Variants in BBOF1 observed in about 807,000 individuals in gnomAD.
BBOF1 encodes basal body orientation factor 1, also known as basal body-orientation factor 1.
Under a neutral mutation model 68.0 loss-of-function variants are expected in BBOF1, and 62 were observed. The observed-to-expected ratio is 0.91, with a 90% confidence interval of 0.74 to 1.13. The LOEUF (loss-of-function observed/expected upper bound fraction) is 1.13, where lower values mean the gene tolerates loss of function less well. BBOF1 is among the 50% of genes most tolerant of loss of function. The pLI is 0.00. For missense variants in BBOF1, 534 were observed against 600.1 expected (o/e 0.89, Z 1.15); for synonymous variants, 208 against 198.8 (o/e 1.05, Z -0.39).
At chr14:74,072,531 G>C in intron 9 of BBOF1, 1 of 1,614,024 alleles carries the variant, frequency 6.2e-7, no homozygotes, top group Non-Finnish European at 8.5e-7. Context: ...AAGCAGCTTC[G>C]CTTACTGGGT....
In BBOF1 at chr14:74,065,822, ATGTC is replaced by A. The variant is rs1159986993; in HGVS notation, c.*1127_*1130del. On this transcript the variant is annotated 3_prime_UTR_variant, in exon 12 of 12. Transcript: ENST00000394009. ...TTATTCACTCCTTTGCCTCCCAAATATGTCTGTATGTTTATATTTTGATATCAGG... is the reference window on the plus strand; with the variant it reads ...TTATTCACTCCTTTGCCTCCCAAATATGTATGTTTATATTTTGATATCAGG... 1 of 177,496 alleles carries A rather than the reference ATGTC, an allele frequency of 5.6e-6. No homozygotes were observed. The highest frequency in any genetic ancestry group is 1.5e-4 in the East Asian group (1 of 6,546). The allele number at this position is 177,496 out of a possible 1,614,324, so 11.0% of individuals were successfully genotyped here. A position where few individuals can be genotyped will look rare whatever the true frequency, so the allele number is the denominator to read the frequency against.
At chr14:74,030,586 A>G (rs917976798) in intron 3 of BBOF1, among the ~76,000 whole-genome samples, 2 of 151,614 alleles carry the variant, frequency 1.3e-5, no homozygotes, top group African/African-American at 4.8e-5. Context: ...AGCTCCATCT[A>G]TTGGGTTCAC....
At chr14:74,026,719 G>A (rs965755631) in intron 2 of BBOF1, among the ~76,000 whole-genome samples, 4 of 152,020 alleles carry the variant, frequency 2.6e-5, no homozygotes, top group African/African-American at 9.7e-5. Flanking sequence ...GAGGTCAGGA[G>A]TTCAAGACTA....
intron 4 of BBOF1, 99 bp downstream of exon 4, chr14:74,034,270 A>G: frequency 1.4e-6 from 1 of 719,614 alleles, no homozygotes; most frequent in South Asian, 3.9e-5. Flanking sequence ...ACGGCAAAGA[A>G]CTCTCTTTGA....
chr14:74,057,454 T>C lies in BBOF1; in HGVS notation c.1578+196T>C, dbSNP rs79150332. On this transcript the variant is annotated intron_variant, in intron 11 of 11. Transcript: ENST00000394009. ...CAAATGCATATTATACTAATGCAAA[T>C]GCAAATGTGTGCCTCTTTTTGTGTA... The C allele has an allele frequency of 1.2e-5, 17 of 1,459,386 alleles. No homozygotes were observed. The East Asian group carries it at 4.1e-4, about 35-fold the overall frequency. 90.4% of individuals were successfully genotyped at this position (1,459,386 alleles called of 1,614,324 possible).
chr14:74,033,561 C>T (rs995866767), intron 3 of BBOF1, among the ~76,000 whole-genome samples: 1 of 151,752 alleles, frequency 6.6e-6, no homozygotes, highest in Non-Finnish European at 1.5e-5. Context: ...CAGAGTGAGA[C>T]TCCATCTCAA....
At chr14:74,029,064 C>T in intron 2 of BBOF1, 120 bp from the exon 3 acceptor site, 1 of 604,862 alleles carries the variant, frequency 1.7e-6, no homozygotes. Flanking sequence ...CTTCTCTTTC[C>T]ACCTCACTCA....
At chr14:74,026,271 A>G (rs146065434) in intron 2 of BBOF1, among the ~76,000 whole-genome samples, 9,465 of 151,750 alleles carry the variant, frequency 0.062, 507 homozygotes, top group South Asian at 0.26. Flanking sequence ...ACGAAACCCC[A>G]TCTCTACTGA....
chr14:74,079,401 C>T (rs2060647726), intron 10 of BBOF1, among the ~76,000 whole-genome samples: 1 of 151,512 alleles, frequency 6.6e-6, no homozygotes, highest in African/African-American at 2.4e-5. Flanking sequence ...CATATGCCAC[C>T]ACACCCGGCT....
intron 2 of BBOF1, among the ~76,000 whole-genome samples, chr14:74,025,957 G>C (rs892337524): frequency 6.6e-6 from 1 of 150,858 alleles, no homozygotes; most frequent in Non-Finnish European, 1.5e-5. Context: ...CTGGCCAACA[G>C]AGTGAAACCC....
intron 7 of BBOF1, 62 bp downstream of exon 7, chr14:74,048,136 A>G (rs2139600023): frequency 6.6e-7 from 1 of 1,513,958 alleles, no homozygotes; most frequent in Non-Finnish European, 8.9e-7. Context: ...GTTGGTAAAT[A>G]CCAAAAATTG....
At chr14:74,046,415 C>G (rs1476016279) in intron 6 of BBOF1, among the ~76,000 whole-genome samples, 1 of 142,644 alleles carries the variant, frequency 7.0e-6, no homozygotes, top group Non-Finnish European at 1.5e-5. Flanking sequence ...CCAGGCTATC[C>G]AGGCTGGAGT....
intron 11 of BBOF1, chr14:74,059,268 A>G: frequency 2.6e-6 from 1 of 387,006 alleles, no homozygotes; most frequent in South Asian, 1.9e-5. Flanking sequence ...CAGGCAAGAG[A>G]AAAGAATATA....
chr14:74,048,818 A>T (rs1398932292), intron 7 of BBOF1, among the ~76,000 whole-genome samples: 3 of 152,200 alleles, frequency 2.0e-5, no homozygotes, highest in African/African-American at 7.2e-5. Context: ...AGATATTGGG[A>T]TAGGCAACAA....
exon 10 of BBOF1, chr14:74,078,286 A>G (rs1330383802): frequency 2.2e-6 from 1 of 455,844 alleles, no homozygotes; most frequent in Admixed American, 2.4e-5. Flanking sequence ...GGTAGCCAGC[A>G]AGCTCCATGC....
At chr14:74,026,797 C>T (rs1333466823) in intron 2 of BBOF1, among the ~76,000 whole-genome samples, 1 of 151,740 alleles carries the variant, frequency 6.6e-6, no homozygotes, top group East Asian at 2.0e-4. Flanking sequence ...TGGTAGTGTG[C>T]ACCTGTAATC....
At chr14:74,054,128 G>A (rs1203848946) in intron 8 of BBOF1, among the ~76,000 whole-genome samples, 4 of 151,742 alleles carry the variant, frequency 2.6e-5, no homozygotes, top group Admixed American at 6.6e-5. Flanking sequence ...CGCCCGCCTC[G>A]TCCTCCCAAA....
At chr14:74,056,767 A>C in intron 9 of BBOF1, 139 bp from the exon 10 acceptor site, 1 of 635,402 alleles carries the variant, frequency 1.6e-6, no homozygotes. Context: ...AAAACATCTC[A>C]CGTACCCCAC....
intron 3 of BBOF1, among the ~76,000 whole-genome samples, chr14:74,032,282 A>C (rs1275553023): frequency 1.3e-5 from 2 of 151,554 alleles, no homozygotes; most frequent in Non-Finnish European, 2.9e-5. Flanking sequence ...ACCTGCCACC[A>C]CACCTGGCTA....
Sources: gnomAD v4.1 joint callset for allele counts (sites outside exome capture counted in the v4.1 genomes callset) on GRCh38, gnomAD v4.1.1 for gene constraint, MANE v1.5 for transcripts, NCBI Gene and HGNC (gene_info 2026-07-23, HGNC 2026-07-21) for gene names.